ME2: variants seen among roughly 807,000 people sequenced by gnomAD.
ME2 encodes the protein NAD-dependent malic enzyme, mitochondrial.
A neutral mutation model predicts 73.7 loss-of-function variants in ME2; 60 were observed. The observed-to-expected ratio is 0.81, with a 90% CI of 0.66 to 1.01. The LOEUF is 1.01. Ranked by LOEUF, ME2 falls within the 50% of genes least tolerant of loss-of-function variation. The pLI, the probability that ME2 is intolerant of heterozygous loss-of-function variation, is 0.00. For missense variants in ME2, 594 were observed against 705.5 expected, an observed-to-expected ratio of 0.84 and a Z score of 1.79; for synonymous variants, 199 against 236.9, an observed-to-expected ratio of 0.84 and a Z score of 1.47.
chr18:50,901,682 G>GA (rs1916894243), intron 2 of ME2, among the ~76,000 whole-genome samples: 1 of 152,166 alleles, frequency 6.6e-6, no homozygotes, highest in Non-Finnish European at 1.5e-5. Context: ...ACAATTGTTT[G>GA]ATTACAAGGT....
Position 50,924,230 on chromosome 18 carries a change from G to T in ME2, c.1171+18G>T. 6.6e-7 allele frequency: 1 copy of T among 1,516,946 alleles called. No individual in the cohort carries two copies. Among genetic ancestry groups the T allele is most frequent in the Non-Finnish European group, 9.1e-7 (1 of 1,101,626 alleles). The allele number at this position is 1,516,946 out of a possible 1,614,324, so 94.0% of individuals were successfully genotyped here. ...TATAATTGGTAGGTAAAGTTTTTCT[G>T]ATAAATAATTTTACTCCCTAACTGT... On this transcript the variant is annotated intron_variant, in intron 11 of 15. Transcript: ENST00000321341.
In ME2 at chr18:50,953,027, C is replaced by T. The variant is rs1008009013; in HGVS notation, c.*5843C>T. The stretch of plus-strand genomic sequence containing the variant: ...AACCCCTCTCAGTGAAGAAAGCCTT[C>T]TGTGTAGGCAATTTCATCTAATACC... On this transcript the variant is annotated 3_prime_UTR_variant, in exon 16 of 16. Transcript: ENST00000321341. 4 of 151,586 alleles carry T rather than the reference C, an allele frequency of 2.6e-5. No individual in the cohort carries two copies. The highest frequency in any genetic ancestry group is 5.9e-5 in the Non-Finnish European group (4 of 67,940). The allele number at this position is 151,586 out of a possible 1,614,324, so 9.4% of individuals were successfully genotyped here. A position where few individuals can be genotyped will look rare whatever the true frequency, so the allele number is the denominator to read the frequency against.
At chr18:50,902,128 A>T (rs980983848) in intron 2 of ME2, among the ~76,000 whole-genome samples, 1 of 152,212 alleles carries the variant, frequency 6.6e-6, no homozygotes, top group Non-Finnish European at 1.5e-5. Context: ...ACCTATGCAA[A>T]CCATTAACTT....
intron 15 of ME2, among the ~76,000 whole-genome samples, chr18:50,944,319 C>CCAGGTT: frequency 6.6e-6 from 1 of 152,180 alleles, no homozygotes; most frequent in South Asian, 2.1e-4. Context: ...CAACAGAGGC[C>CCAGGTT]CAGGTTCATG....
chr18:50,936,058 A>G (rs1917811456), intron 13 of ME2, among the ~76,000 whole-genome samples: 1 of 152,126 alleles, frequency 6.6e-6, no homozygotes, highest in South Asian at 2.1e-4. Context: ...ATAAAAAGAA[A>G]TCTACATCTA....
chr18:50,940,353 T>A lies in ME2; in HGVS notation c.1554T>A (p.Asn518Lys). The A allele has an allele frequency of 1.2e-6, 2 of 1,610,160 alleles. No homozygotes were observed. Among genetic ancestry groups the A allele is most frequent in the Non-Finnish European group, 1.7e-6 (2 of 1,179,006 alleles). Residue 518 changes from asparagine (N) to lysine (K), a missense_variant, in exon 15 of 16, where the codon AAT (asparagine) becomes AAA (lysine). Coordinates refer to ENST00000321341, the MANE Select transcript of ME2 (RefSeq NM_002396.5). Reference sequence around the variant, plus strand: ...GGAGACTTTACCCACCGCTTGCTAATATTCAGGAAGTTTCTATTAACATTG... The same window carrying A: ...GGAGACTTTACCCACCGCTTGCTAAAATTCAGGAAGTTTCTATTAACATTG... ...AQGRLYPPLANIQEVSINIAI... is the reference protein window; with the variant it reads ...AQGRLYPPLAKIQEVSINIAI...
At chr18:50,885,575 T>C (rs970732896) in intron 1 of ME2, among the ~76,000 whole-genome samples, 1 of 152,114 alleles carries the variant, frequency 6.6e-6, no homozygotes, top group Non-Finnish European at 1.5e-5. Flanking sequence ...TTTAAATGGT[T>C]TTTTTTCATC....
chr18:50,893,124 C>CA (rs56104427), intron 1 of ME2, among the ~76,000 whole-genome samples: 1,119 of 78,010 alleles, frequency 0.014, 97 homozygotes, highest in African/African-American at 0.028. Flanking sequence ...GACTCTATCT[C>CA]AAAAAAAAAA....
At chr18:50,888,427 A>G (rs935040997) in intron 1 of ME2, among the ~76,000 whole-genome samples, 6 of 152,118 alleles carry the variant, frequency 3.9e-5, no homozygotes, top group East Asian at 1.9e-4. Flanking sequence ...GAGGGAATAC[A>G]TTTATGAAAC....
intron 13 of ME2, chr18:50,939,339 AAAACT>A (rs1198772125): frequency 2.1e-5 from 9 of 420,072 alleles, no homozygotes; most frequent in African/African-American, 4.1e-5. Context: ...CATAAATGTA[AAAACT>A]AAACTGAGAA....
chr18:50,900,795 TC>T (rs1916871011), intron 2 of ME2, among the ~76,000 whole-genome samples: 1 of 151,916 alleles, frequency 6.6e-6, no homozygotes, highest in African/African-American at 2.4e-5. Flanking sequence ...ATAAGGGACT[TC>T]CCCCTTCGCT....
chr18:50,889,324 TG>T (rs1192135939), intron 1 of ME2, among the ~76,000 whole-genome samples: 4 of 152,170 alleles, frequency 2.6e-5, no homozygotes, highest in Non-Finnish European at 5.9e-5. Flanking sequence ...CCATGAGCTT[TG>T]GGGAAGGGGG....
rs34895453 is a variant in ME2, at chr18:50,886,246, AT to A, written c.-13+6953del. Among the ~76,000 whole-genome samples, 352 of 142,710 alleles carry A rather than the reference AT, an allele frequency of 2.5e-3. 1 individual carries two copies. Among genetic ancestry groups the A allele is most frequent in the Admixed American group, 4.5e-3 (63 of 14,136 alleles). 93.6% of individuals were successfully genotyped at this position (142,710 alleles called of 152,430 possible). On this transcript the variant is annotated intron_variant, in intron 1 of 15. Coordinates refer to ENST00000321341, the MANE Select transcript of ME2 (RefSeq NM_002396.5). The stretch of plus-strand genomic sequence containing the variant: ...TTAAAATTGAGAAAGGGTAAGTTAG[AT>A]TTTTTTTTTTTTTTGAGATGGAGTC...
chr18:50,928,951 C>A (rs1401637247), intron 12 of ME2, among the ~76,000 whole-genome samples: 2 of 152,064 alleles, frequency 1.3e-5, no homozygotes, highest in African/African-American at 4.8e-5. Flanking sequence ...TCTTTTGAAT[C>A]TTGGAAACCT....
intron 15 of ME2, among the ~76,000 whole-genome samples, chr18:50,945,620 T>TA (rs1313713476): frequency 1.3e-5 from 2 of 152,246 alleles, no homozygotes; most frequent in African/African-American, 4.8e-5. Flanking sequence ...GATTATTTTT[T>TA]AATAACCATC....
chr18:50,922,641 A>G (rs1350492889), intron 10 of ME2, among the ~76,000 whole-genome samples: 2 of 152,204 alleles, frequency 1.3e-5, no homozygotes, highest in Admixed American at 6.5e-5. Context: ...GGTAGCTACA[A>G]TGTGTTTACT....
chr18:50,902,336 C>T (rs1479892390), intron 2 of ME2, among the ~76,000 whole-genome samples: 1 of 152,116 alleles, frequency 6.6e-6, no homozygotes, highest in Non-Finnish European at 1.5e-5. Flanking sequence ...TTAGAATTTT[C>T]TTCTGGTTAT....
intron 1 of ME2, among the ~76,000 whole-genome samples, chr18:50,889,627 A>G (rs1599085678): frequency 6.6e-6 from 1 of 152,250 alleles, no homozygotes; most frequent in East Asian, 1.9e-4. Context: ...TAATAATGAT[A>G]CATTTGACAA....
chr18:50,880,188 C>G (rs747656546), intron 1 of ME2, among the ~76,000 whole-genome samples: 1 of 152,146 alleles, frequency 6.6e-6, no homozygotes, highest in Non-Finnish European at 1.5e-5. Flanking sequence ...AGTTTCTACA[C>G]GGATTATCTC....
Sources: allele counts gnomAD v4.1 joint callset (sites outside exome capture counted in the v4.1 genomes callset), GRCh38; gene constraint gnomAD v4.1.1; transcripts MANE v1.5; gene names NCBI Gene and HGNC (gene_info 2026-07-23, HGNC 2026-07-21).